The following SPIRE1 variants were observed in gnomAD, a reference collection of about 807,000 sequenced individuals.
SPIRE1 encodes the protein protein spire homolog 1.
SPIRE1 carries 40 observed loss-of-function variants against 94.1 expected under a neutral mutation model. The ratio of observed to expected loss-of-function variants is 0.43; its 90% confidence interval spans 0.33 to 0.55. The LOEUF (loss-of-function observed/expected upper bound fraction) is 0.55. Ranked by LOEUF, SPIRE1 falls within the 20% of genes least tolerant of loss-of-function variation. The pLI is 0.06. For missense variants in SPIRE1, 838 were observed against 975.2 expected, an observed-to-expected ratio of 0.86 and a Z score of 1.87; for synonymous variants, 376 against 371.7, an observed-to-expected ratio of 1.01 and a Z score of -0.13.
intron 2 of SPIRE1, among the ~76,000 whole-genome samples, chr18:12,589,094 G>A (rs2036462313): frequency 6.6e-6 from 1 of 152,160 alleles, no homozygotes; most frequent in South Asian, 2.1e-4. Flanking sequence ...GCTTCTATGT[G>A]CAAGGTCCTA....
At chr18:12,575,293 TA>T (rs898449605) in intron 2 of SPIRE1, among the ~76,000 whole-genome samples, 11 of 149,250 alleles carry the variant, frequency 7.4e-5, no homozygotes, top group African/African-American at 2.5e-4. Context: ...ACACAAAGAG[TA>T]AAAAAAAATA....
At chr18:12,656,705 C>T (rs931858805) in intron 1 of SPIRE1, 1 of 982,162 alleles carries the variant, frequency 1.0e-6, no homozygotes, top group African/African-American at 1.7e-5. Context: ...TTCTCAACCT[C>T]CTCCTCCTCT....
At position 12,658,070 on chromosome 18, in the gene SPIRE1, T is replaced by A. The variant is rs2038610836; in HGVS notation, c.-204A>T. The A allele has an allele frequency of 3.0e-6, 3 of 991,786 alleles. No individual in the cohort carries two copies. Among genetic ancestry groups the A allele is most frequent in the Non-Finnish European group, 3.6e-6 (3 of 835,710 alleles). 61.4% of individuals were successfully genotyped at this position (991,786 alleles called of 1,614,324 possible). A position where few individuals can be genotyped will look rare whatever the true frequency, so the allele number is the denominator to read the frequency against. On this transcript the variant is annotated 5_prime_UTR_variant, in exon 1 of 17. Coordinates refer to ENST00000409402, the MANE Select transcript of SPIRE1 (RefSeq NM_001128626.2). ...GGCGAGGACACGGCTGCAGTCCCGG[T>A]CAGACAGCCGCCGGCCGGTAGCGAC...
chr18:12,492,926 A>G, intron 8 of SPIRE1, 146 bp downstream of exon 8: 1 of 874,542 alleles, frequency 1.1e-6, no homozygotes, highest in South Asian at 2.0e-5. Context: ...GGGTATGTAT[A>G]CGAGAGAGTG....
rs60579886 is a variant in SPIRE1, at chr18:12,539,322, T to C, written c.604-3721A>G. Among the ~76,000 whole-genome samples the C allele has an allele frequency of 5.4e-3, 816 of 151,458 alleles. 6 individuals are homozygous for C. The highest frequency in any genetic ancestry group is 0.018 in the African/African-American group (747 of 41,244). ...GATCTGATGGTTTTATAAGGAGGAG[T>C]TTCCCTGCACAAGCTCTTTTTTGGC... On this transcript the variant is annotated intron_variant, in intron 3 of 16. Coordinates refer to ENST00000409402, the MANE Select transcript of SPIRE1 (RefSeq NM_001128626.2).
At chr18:12,639,129 A>T (rs71363150) in intron 1 of SPIRE1, among the ~76,000 whole-genome samples, 67,663 of 150,410 alleles carry the variant, frequency 0.45, 15,711 homozygotes, top group Middle Eastern at 0.54. Flanking sequence ...CTCAAAAAAA[A>T]TTTTTTTTTT....
intron 4 of SPIRE1, among the ~76,000 whole-genome samples, chr18:12,528,321 C>T (rs1321186463): frequency 3.3e-5 from 5 of 152,186 alleles, no homozygotes; most frequent in African/African-American, 1.2e-4. Flanking sequence ...AACACAGTGT[C>T]ACTGTTGTAA....
At chr18:12,553,218 T>C (rs935728326) in intron 2 of SPIRE1, among the ~76,000 whole-genome samples, 8 of 152,180 alleles carry the variant, frequency 5.3e-5, no homozygotes, top group African/African-American at 1.9e-4. Context: ...AGGGGCTTTA[T>C]CTTGCAATTT....
At chr18:12,597,762 A>G (rs919505611) in intron 2 of SPIRE1, among the ~76,000 whole-genome samples, 1 of 152,190 alleles carries the variant, frequency 6.6e-6, no homozygotes, top group Admixed American at 6.5e-5. Flanking sequence ...ATAGCTGCTT[A>G]ATTTCTTTGC....
intron 5 of SPIRE1, among the ~76,000 whole-genome samples, chr18:12,511,925 C>G (rs2034046484): frequency 6.6e-6 from 1 of 152,000 alleles, no homozygotes; most frequent in Admixed American, 6.6e-5. Flanking sequence ...TAATAAAAAT[C>G]CTCCTATTTT....
At chr18:12,464,999 T>C (rs1197824805) in intron 10 of SPIRE1, 41 bp from the exon 11 acceptor site, 2 of 1,557,078 alleles carry the variant, frequency 1.3e-6, no homozygotes, top group Admixed American at 1.7e-5. Context: ...TCTTAGACAT[T>C]TGTGCTCTAG....
chr18:12,456,443 A>G (rs937576875), intron 12 of SPIRE1, among the ~76,000 whole-genome samples: 2 of 152,234 alleles, frequency 1.3e-5, no homozygotes, highest in Non-Finnish European at 2.9e-5. Flanking sequence ...TTCATCAGTG[A>G]TGAGTATAAG....
intron 2 of SPIRE1, among the ~76,000 whole-genome samples, chr18:12,614,293 T>G (rs1449971597): frequency 1.3e-5 from 2 of 152,024 alleles, no homozygotes; most frequent in South Asian, 2.1e-4. Flanking sequence ...GGAAAAAAGA[T>G]ATATATATAA....
intron 2 of SPIRE1, among the ~76,000 whole-genome samples, chr18:12,564,119 T>C (rs1014003971): frequency 2.0e-5 from 3 of 152,080 alleles, no homozygotes; most frequent in African/African-American, 7.2e-5. Flanking sequence ...AAAATTCATA[T>C]GAAAAAATAA....
chr18:12,527,595 A>AC (rs1452879702), intron 4 of SPIRE1, among the ~76,000 whole-genome samples: 1 of 152,074 alleles, frequency 6.6e-6, no homozygotes, highest in Non-Finnish European at 1.5e-5. Flanking sequence ...TTCAATTTCA[A>AC]CCCCCAGCCC....
At chr18:12,661,270 T>C, upstream of SPIRE1, 2 of 572,780 alleles carry the variant, frequency 3.5e-6, no homozygotes, top group Non-Finnish European at 4.4e-6. Flanking sequence ...ATCACGCCAT[T>C]GCACCCCAGC....
intron 10 of SPIRE1, among the ~76,000 whole-genome samples, chr18:12,476,556 AAAAAAAAAATATATAT>A (rs1156421518): frequency 9.4e-5 from 8 of 85,374 alleles, no homozygotes; most frequent in Admixed American, 4.8e-4. Flanking sequence ...AAAAAAAAAA[AAAAAAAAAATATATAT>A]ATATATATAT....
intron 2 of SPIRE1, among the ~76,000 whole-genome samples, chr18:12,569,393 C>G (rs1327121964): frequency 6.6e-6 from 1 of 151,474 alleles, no homozygotes; most frequent in Admixed American, 6.6e-5. Flanking sequence ...CATTATTACA[C>G]TGGCATGTGC....
chr18:12,554,229 C>T (rs547581704), intron 2 of SPIRE1, among the ~76,000 whole-genome samples: 6 of 141,512 alleles, frequency 4.2e-5, no homozygotes, highest in African/African-American at 1.1e-4. Flanking sequence ...ACCTGGGAGG[C>T]GGAGGTTGCA....
Sources: allele counts gnomAD v4.1 joint callset (sites outside exome capture counted in the v4.1 genomes callset), GRCh38; gene constraint gnomAD v4.1.1; transcripts MANE v1.5; gene names NCBI Gene and HGNC (gene_info 2026-07-23, HGNC 2026-07-21).